HCN1: variants seen among roughly 807,000 people sequenced by gnomAD.
The protein encoded by HCN1 is potassium/sodium hyperpolarization-activated cyclic nucleotide-gated channel 1.
HCN1 carries 13 observed loss-of-function variants against 78.9 expected under a neutral mutation model. That is an observed-to-expected ratio of 0.16 (90% confidence interval 0.11 to 0.26). The LOEUF (loss-of-function observed/expected upper bound fraction) is 0.26, where lower values mean the gene tolerates loss of function less well. Among genes scored for constraint, HCN1 ranks in the 10% least tolerant of loss-of-function variants. The probability of loss-of-function intolerance (pLI) is 1.00; values close to 1 mark genes in which losing one functional copy is unlikely to be tolerated. For synonymous variants in HCN1, 552 were observed against 455.5 expected, an observed-to-expected ratio of 1.21 and a Z score of -2.70; for missense variants, 810 against 1,154.3, an observed-to-expected ratio of 0.70 and a Z score of 4.32.
chr5:45,433,481 T>C (rs2112079330), intron 3 of HCN1, among the ~76,000 whole-genome samples: 1 of 152,060 alleles, frequency 6.6e-6, no homozygotes, highest in East Asian at 1.9e-4. Flanking sequence ...GCACACGAGA[T>C]GGGTCTCCTG....
chr5:45,458,083 T>G (rs895773360), intron 3 of HCN1, among the ~76,000 whole-genome samples: 4 of 152,074 alleles, frequency 2.6e-5, no homozygotes, highest in Non-Finnish European at 5.9e-5. Flanking sequence ...TGAACCTACA[T>G]TTATGGAATG....
intron 5 of HCN1, among the ~76,000 whole-genome samples, chr5:45,342,004 C>G (rs1746593074): frequency 6.6e-6 from 1 of 152,010 alleles, no homozygotes; most frequent in Non-Finnish European, 1.5e-5. Context: ...CTGTAAAGGG[C>G]ACCCATTTTT....
At chr5:45,398,925 T>C (rs1483402492) in intron 3 of HCN1, among the ~76,000 whole-genome samples, 1 of 152,258 alleles carries the variant, frequency 6.6e-6, no homozygotes, top group African/African-American at 2.4e-5. Context: ...CTAATGACTT[T>C]CTAAAGTGCT....
At chr5:45,593,324 T>A (rs140916504) in intron 2 of HCN1, among the ~76,000 whole-genome samples, 1 of 119,024 alleles carries the variant, frequency 8.4e-6, no homozygotes, top group Non-Finnish European at 1.8e-5. Context: ...TCTCTCTCCC[T>A]CTCTCTCTCT....
intron 4 of HCN1, among the ~76,000 whole-genome samples, chr5:45,374,094 A>G (rs1370987577): frequency 9.3e-6 from 1 of 107,464 alleles, no homozygotes; most frequent in East Asian, 2.5e-4. Context: ...ACATATATGT[A>G]TATAATATAT....
chr5:45,490,899 T>C (rs888475749), intron 2 of HCN1, among the ~76,000 whole-genome samples: 2 of 152,114 alleles, frequency 1.3e-5, no homozygotes, highest in East Asian at 3.9e-4. Context: ...TAGCTCATTT[T>C]ATCCACTTCT....
At chr5:45,597,737 C>T (rs1007123236) in intron 2 of HCN1, among the ~76,000 whole-genome samples, 6 of 152,160 alleles carry the variant, frequency 3.9e-5, no homozygotes, top group Non-Finnish European at 8.8e-5. Context: ...GACACAAAAT[C>T]AGTGTGCAAA....
chr5:45,548,630 T>TG (rs1425880725), intron 2 of HCN1, among the ~76,000 whole-genome samples: 1 of 152,120 alleles, frequency 6.6e-6, no homozygotes, highest in Non-Finnish European at 1.5e-5. Flanking sequence ...AACATAGTGT[T>TG]GGAAGTTCTG....
intron 4 of HCN1, among the ~76,000 whole-genome samples, chr5:45,373,986 T>TATATATAATATATATTATATACATA (rs1747509936): frequency 8.9e-6 from 1 of 112,572 alleles, no homozygotes; most frequent in African/African-American, 4.4e-5. Flanking sequence ...AGATACATAA[T>TATATATAATATATATTATATACATA]ATATATAATA....
chr5:45,300,983 T>C (rs939476193), intron 6 of HCN1, among the ~76,000 whole-genome samples: 15 of 152,162 alleles, frequency 9.9e-5, no homozygotes, highest in Non-Finnish European at 1.5e-4. Context: ...TTTTCCTTAA[T>C]TGGTGAGCAG....
chr5:45,371,983 T>C (rs1747380868), intron 4 of HCN1, among the ~76,000 whole-genome samples: 1 of 12,338 alleles, frequency 8.1e-5, no homozygotes, highest in Non-Finnish European at 1.3e-4. Flanking sequence ...ATGTATATTA[T>C]ATATAATGTA....
chr5:45,694,523 C>T (rs1739969101), intron 1 of HCN1, among the ~76,000 whole-genome samples: 1 of 152,202 alleles, frequency 6.6e-6, no homozygotes, highest in Non-Finnish European at 1.5e-5. Flanking sequence ...AAACTAACTC[C>T]AAGGCTGCTT....
chr5:45,469,126 T>C (rs1429214042), intron 2 of HCN1, among the ~76,000 whole-genome samples: 1 of 151,982 alleles, frequency 6.6e-6, no homozygotes, highest in Non-Finnish European at 1.5e-5. Flanking sequence ...AGGTTATTTT[T>C]TAACTGAATC....
chr5:45,521,672 C>T lies in HCN1; in HGVS notation c.850-59665G>A, dbSNP rs188053711. Among the ~76,000 whole-genome samples, 9 of 151,908 alleles carry T rather than the reference C, an allele frequency of 5.9e-5. No homozygotes were observed. The East Asian group carries it at 1.2e-3, about 20-fold the overall frequency. On this transcript the variant is annotated intron_variant, in intron 2 of 7. Coordinates refer to ENST00000303230, the MANE Select transcript of HCN1 (RefSeq NM_021072.4). ...TTATGACCCTATTTCCAAATAGGGT[C>T]GCATGCTGAAGTACTAGGATTGAGT...
intron 1 of HCN1, among the ~76,000 whole-genome samples, chr5:45,648,926 C>G (rs1267701083): frequency 6.6e-6 from 1 of 151,914 alleles, no homozygotes; most frequent in Non-Finnish European, 1.5e-5. Context: ...CAACAACCAG[C>G]ACTGACTCTC....
Position 45,256,267 on chromosome 5 carries a change from G to A in HCN1, c.*5654C>T, listed in dbSNP as rs1468900363. 6.6e-6 allele frequency: 1 copy of A among 151,820 alleles called. No homozygotes were observed. Among genetic ancestry groups the A allele is most frequent in the Non-Finnish European group, 1.5e-5 (1 of 67,988 alleles). The allele number at this position is 151,820 out of a possible 1,614,324, so 9.4% of individuals were successfully genotyped here. On this transcript the variant is annotated 3_prime_UTR_variant, in exon 8 of 8. Transcript: ENST00000303230. ...GGGCACCTGTAATCCCAGCTACTCTGGAGGCTGATGCAGGAGAATTGCTTA... is the reference window on the plus strand; with the variant it reads ...GGGCACCTGTAATCCCAGCTACTCTAGAGGCTGATGCAGGAGAATTGCTTA...
chr5:45,348,084 T>G (rs1291488172), intron 5 of HCN1, among the ~76,000 whole-genome samples: 2 of 151,942 alleles, frequency 1.3e-5, no homozygotes, highest in Admixed American at 6.6e-5. Flanking sequence ...AAAGTTGAAA[T>G]GAAGGAAAAA....
At chr5:45,546,774 A>T (rs566642817) in intron 2 of HCN1, among the ~76,000 whole-genome samples, 7 of 151,956 alleles carry the variant, frequency 4.6e-5, no homozygotes, top group African/African-American at 1.7e-4. Flanking sequence ...AAGACACCTT[A>T]AATATCGTTA....
chr5:45,415,459 C>T (rs1336855316), intron 3 of HCN1, among the ~76,000 whole-genome samples: 2 of 151,942 alleles, frequency 1.3e-5, no homozygotes, highest in Admixed American at 1.3e-4. Flanking sequence ...TTTCCTAAGC[C>T]TTATAACAAA....
Sources: allele counts gnomAD v4.1 joint callset (sites outside exome capture counted in the v4.1 genomes callset), GRCh38; gene constraint gnomAD v4.1.1; transcripts MANE v1.5; gene names NCBI Gene and HGNC (gene_info 2026-07-23, HGNC 2026-07-21).